The following HMGA2 variants were observed in gnomAD, a reference collection of about 807,000 sequenced individuals.
HMGA2 encodes the protein high mobility group AT-hook 2.
Under a neutral mutation model 19.1 loss-of-function variants are expected in HMGA2, and 8 were observed. The ratio of observed to expected loss-of-function variants is 0.42; its 90% CI spans 0.25 to 0.76. The LOEUF is 0.76. Ranked by LOEUF, HMGA2 falls within the 30% of genes least tolerant of loss-of-function variation. The pLI is 0.28. For missense variants in HMGA2, 109 were observed against 136.3 expected (o/e 0.80, Z 1.00); for synonymous variants, 60 against 48.8 (o/e 1.23, Z -0.96).
At chr12:65,833,592 C>T (rs897510182) in intron 2 of HMGA2, among the ~76,000 whole-genome samples, 1 of 152,072 alleles carries the variant, frequency 6.6e-6, no homozygotes, top group Non-Finnish European at 1.5e-5. Flanking sequence ...TGCTCTTGTC[C>T]ATGTGTTTAT....
Position 65,963,318 on chromosome 12 carries a change from T to C in HMGA2, c.*26T>C. 6.2e-7 allele frequency: 1 copy of C among 1,609,040 alleles called. No individual in the cohort carries two copies. Among genetic ancestry groups the C allele is most frequent in the Non-Finnish European group, 8.5e-7 (1 of 1,176,494 alleles). On this transcript the variant is annotated 3_prime_UTR_variant, in exon 5 of 5. Transcript: ENST00000403681. The stretch of plus-strand genomic sequence containing the variant: ...GGGGCGCCAACGTTCGATTTCTACC[T>C]CAGCAGCAGTTGGATCTTTTGAAGG...
chr12:65,950,997 C>T (rs760057854), intron 3 of HMGA2, among the ~76,000 whole-genome samples: 16 of 152,066 alleles, frequency 1.1e-4, no homozygotes, highest in Non-Finnish European at 8.8e-5. Flanking sequence ...GGCATGATCA[C>T]GGCTCACTGC....
rs1870047421 is a variant in HMGA2 at position 65,824,748 on chromosome 12, TC to T, written c.-522del. 1.3e-5 allele frequency: 3 copies of T among 228,130 alleles called. No individual in the cohort carries two copies. The highest frequency in any genetic ancestry group is 2.5e-5 in the Non-Finnish European group (3 of 117,986). The allele number at this position is 228,130 out of a possible 1,614,324, so 14.1% of individuals were successfully genotyped here. On this transcript the variant is annotated 5_prime_UTR_variant, in exon 1 of 5. Transcript: ENST00000403681. ...CTCTCTCTCTCTCTCTCTCTCTCTC[TC>T]TCTCTCTCTCTCTCTCTCTCGCAGG...
At chr12:65,838,180 A>T (rs952724811) in intron 2 of HMGA2, among the ~76,000 whole-genome samples, 3 of 152,148 alleles carry the variant, frequency 2.0e-5, no homozygotes, top group African/African-American at 7.2e-5. Context: ...TAGTTACAGA[A>T]TGTGGGGATA....
intron 3 of HMGA2, among the ~76,000 whole-genome samples, chr12:65,864,611 A>G (rs541197202): frequency 1.3e-5 from 2 of 152,290 alleles, no homozygotes; most frequent in East Asian, 3.9e-4. Flanking sequence ...ACTAGGAAAA[A>G]AAGGTTTAAA....
At chr12:65,883,764 C>A (rs1873540662) in intron 3 of HMGA2, among the ~76,000 whole-genome samples, 1 of 152,200 alleles carries the variant, frequency 6.6e-6, no homozygotes, top group Admixed American at 6.5e-5. Flanking sequence ...AATAAATTCT[C>A]CCCTATTAAA....
chr12:65,855,169 G>A (rs981077920), intron 3 of HMGA2, among the ~76,000 whole-genome samples: 4 of 152,102 alleles, frequency 2.6e-5, no homozygotes, highest in African/African-American at 9.7e-5. Context: ...TGAAGTTGTG[G>A]ATGAATACCT....
At chr12:65,844,747 A>G (rs1211395191) in intron 3 of HMGA2, among the ~76,000 whole-genome samples, 3 of 152,264 alleles carry the variant, frequency 2.0e-5, no homozygotes, top group Non-Finnish European at 4.4e-5. Flanking sequence ...TTAGGATTAT[A>G]AAAACATTGA....
chr12:65,837,501 G>A (rs928898520), intron 2 of HMGA2, among the ~76,000 whole-genome samples: 2 of 152,144 alleles, frequency 1.3e-5, no homozygotes, highest in African/African-American at 4.8e-5. Flanking sequence ...AAGGTATCCT[G>A]GTTCAAGTTA....
intron 3 of HMGA2, chr12:65,935,136 G>A (rs528944026): frequency 6.6e-6 from 1 of 152,280 alleles, no homozygotes; most frequent in African/African-American, 2.4e-5. Flanking sequence ...GCGTCTGTTG[G>A]GGAAGCATCA....
intron 3 of HMGA2, among the ~76,000 whole-genome samples, chr12:65,949,918 G>C (rs1374899623): frequency 2.6e-5 from 4 of 152,124 alleles, no homozygotes; most frequent in African/African-American, 4.8e-5. Context: ...CTTCCCAGGA[G>C]ACATATAAAT....
chr12:65,965,737 T>C lies in HMGA2; in HGVS notation c.*2445T>C, dbSNP rs147193372. 324 of 223,098 alleles carry C rather than the reference T, an allele frequency of 1.5e-3. No individual in the cohort carries two copies. Among genetic ancestry groups the C allele is most frequent in the African/African-American group, 6.4e-3 (287 of 44,860 alleles). The allele number at this position is 223,098 out of a possible 1,614,324, so 13.8% of individuals were successfully genotyped here. ...AGCAATTGCTCATGTTGGCCAAACA[T>C]GGTGCACCGAGTGATTTCCATCTCT... On this transcript the variant is annotated 3_prime_UTR_variant, in exon 5 of 5. Transcript: ENST00000403681.
At chr12:65,919,416 T>C (rs1435376474) in intron 3 of HMGA2, among the ~76,000 whole-genome samples, 2 of 152,244 alleles carry the variant, frequency 1.3e-5, no homozygotes, top group Admixed American at 1.3e-4. Context: ...GGACCCACTT[T>C]CCTATTCTGC....
At chr12:65,904,909 G>A (rs1244419517) in intron 3 of HMGA2, among the ~76,000 whole-genome samples, 1 of 152,068 alleles carries the variant, frequency 6.6e-6, no homozygotes. Flanking sequence ...GGGCATGGTG[G>A]TGGGTGCCTG....
chr12:65,892,388 G>A (rs1873947540), intron 3 of HMGA2, among the ~76,000 whole-genome samples: 1 of 152,160 alleles, frequency 6.6e-6, no homozygotes, highest in Non-Finnish European at 1.5e-5. Context: ...TATTGCTTGA[G>A]TCACTCCCTG....
chr12:65,913,600 G>T (rs1198016253), intron 3 of HMGA2, among the ~76,000 whole-genome samples: 1 of 152,100 alleles, frequency 6.6e-6, no homozygotes, highest in Admixed American at 6.5e-5. Flanking sequence ...TTCTCATAAG[G>T]TGTATTATTC....
chr12:65,924,668 C>T (rs1423099954), intron 3 of HMGA2, among the ~76,000 whole-genome samples: 1 of 152,072 alleles, frequency 6.6e-6, no homozygotes, highest in East Asian at 1.9e-4. Context: ...CGTTGTGGGG[C>T]GTGCCTGTAG....
intron 3 of HMGA2, among the ~76,000 whole-genome samples, chr12:65,919,091 A>C (rs1875210796): frequency 6.6e-6 from 1 of 152,236 alleles, no homozygotes; most frequent in African/African-American, 2.4e-5. Flanking sequence ...CAAACATCAG[A>C]TAAGAACATT....
chr12:65,855,252 G>A (rs1386099088), intron 3 of HMGA2, among the ~76,000 whole-genome samples: 1 of 152,086 alleles, frequency 6.6e-6, no homozygotes, highest in African/African-American at 2.4e-5. Flanking sequence ...TGAGAAAACT[G>A]TCCTGTTAAT....
Sources: allele counts gnomAD v4.1 joint callset (sites outside exome capture counted in the v4.1 genomes callset), GRCh38; gene constraint gnomAD v4.1.1; transcripts MANE v1.5; gene names NCBI Gene and HGNC (gene_info 2026-07-23, HGNC 2026-07-21).